Variants in NEK7 observed in about 807,000 individuals in gnomAD.
NEK7 encodes serine/threonine-protein kinase Nek7.
A neutral mutation model predicts 44.6 loss-of-function variants in NEK7; 18 were observed. The ratio of observed to expected loss-of-function variants is 0.40; its 90% CI spans 0.28 to 0.60. NEK7 has a LOEUF of 0.60. Ranked by LOEUF, NEK7 falls within the 20% of genes least tolerant of loss-of-function variation. The pLI is 0.38. For synonymous variants in NEK7, 130 were observed against 121.1 expected (o/e 1.07, Z -0.48); for missense variants, 256 against 366.5 (o/e 0.70, Z 2.46).
At chr1:198,228,960 A>T (rs941855623) in intron 1 of NEK7, among the ~76,000 whole-genome samples, 1 of 152,164 alleles carries the variant, frequency 6.6e-6, no homozygotes, top group African/African-American at 2.4e-5. Flanking sequence ...TTCAAAGGGA[A>T]TGCTTCCAGT....
chr1:198,196,826 G>A (rs774121721), intron 1 of NEK7, among the ~76,000 whole-genome samples: 13 of 152,168 alleles, frequency 8.5e-5, no homozygotes, highest in Admixed American at 1.3e-4. Flanking sequence ...GCTTTTTAGC[G>A]GCTGAGGTAG....
chr1:198,217,293 C>T (rs1224946762), intron 1 of NEK7, among the ~76,000 whole-genome samples: 1 of 151,964 alleles, frequency 6.6e-6, no homozygotes, highest in African/African-American at 2.4e-5. Context: ...TCAACACGTG[C>T]AAGTCAATAA....
At chr1:198,311,338 C>T (rs1169132471) in intron 9 of NEK7, among the ~76,000 whole-genome samples, 7 of 152,098 alleles carry the variant, frequency 4.6e-5, no homozygotes, top group Non-Finnish European at 8.8e-5. Context: ...AGATTTTGGC[C>T]TGAGACATTG....
chr1:198,174,067 C>A (rs914442568), intron 1 of NEK7, among the ~76,000 whole-genome samples: 1 of 152,172 alleles, frequency 6.6e-6, no homozygotes, highest in Non-Finnish European at 1.5e-5. Context: ...AATAATTTGG[C>A]AGAGTTTGGT....
intron 7 of NEK7, among the ~76,000 whole-genome samples, chr1:198,291,662 A>T (rs2103005272): frequency 6.6e-6 from 1 of 151,328 alleles, no homozygotes; most frequent in African/African-American, 2.4e-5. Context: ...ACGTTTCTTC[A>T]TCACTTTCAT....
chr1:198,262,430 C>A, intron 3 of NEK7, 145 bp from the exon 4 acceptor site: 1 of 505,810 alleles, frequency 2.0e-6, no homozygotes, highest in Non-Finnish European at 3.5e-6. Context: ...AAGATACCTA[C>A]AGAACTCCTT....
intron 2 of NEK7, among the ~76,000 whole-genome samples, chr1:198,248,534 T>C (rs1258192569): frequency 6.6e-6 from 1 of 152,200 alleles, no homozygotes; most frequent in Non-Finnish European, 1.5e-5. Context: ...GCATATCTCA[T>C]TCATCTCTAT....
At position 198,319,586 on chromosome 1, in the gene NEK7, C is replaced by T; in HGVS notation, c.*64C>T. 6.8e-7 allele frequency: 1 copy of T among 1,472,470 alleles called. No homozygotes were observed. Among genetic ancestry groups the T allele is most frequent in the South Asian group, 1.4e-5 (1 of 69,674 alleles). 91.2% of individuals were successfully genotyped at this position (1,472,470 alleles called of 1,614,324 possible). A position where few individuals can be genotyped will look rare whatever the true frequency, so the allele number is the denominator to read the frequency against. On this transcript the variant is annotated 3_prime_UTR_variant, in exon 10 of 10. Transcript: ENST00000367385. Reference sequence around the variant, plus strand: ...AAGTATTTTGTGCAAGTCATACCTCCCCATTTATGTCTGGTGTTAAGATTA... The same window carrying T: ...AAGTATTTTGTGCAAGTCATACCTCTCCATTTATGTCTGGTGTTAAGATTA...
chr1:198,242,383 CTCTTTTTCTT>C (rs1308323102), intron 2 of NEK7, among the ~76,000 whole-genome samples: 1 of 147,842 alleles, frequency 6.8e-6, no homozygotes, highest in Non-Finnish European at 1.5e-5. Context: ...CAGTGCTTAC[CTCTTTTTCTT>C]TCTTTTTCTT....
At chr1:198,301,630 T>C (rs984366221) in intron 9 of NEK7, among the ~76,000 whole-genome samples, 3 of 152,208 alleles carry the variant, frequency 2.0e-5, no homozygotes, top group Non-Finnish European at 4.4e-5. Flanking sequence ...GTTCTGTAAG[T>C]TGAGTACAGG....
At position 198,293,052 on chromosome 1, in the gene NEK7, G is replaced by T; in HGVS notation, c.684+13G>T. 7.5e-7 allele frequency: 1 copy of T among 1,331,464 alleles called. No homozygotes were observed. Among genetic ancestry groups the T allele is most frequent in the Non-Finnish European group, 1.1e-6 (1 of 924,904 alleles). 82.5% of individuals were successfully genotyped at this position (1,331,464 alleles called of 1,614,324 possible). A position where few individuals can be genotyped will look rare whatever the true frequency, so the allele number is the denominator to read the frequency against. On this transcript the variant is annotated intron_variant, in intron 8 of 9. Transcript: ENST00000367385. ...TCTACTATATGAGGTAGGTAATGTT[G>T]ATAAATTCCAAATATTGATGCAGTT... is the stretch of plus-strand genomic sequence containing the variant.
chr1:198,205,646 G>A (rs1339175804), intron 1 of NEK7, among the ~76,000 whole-genome samples: 1 of 151,894 alleles, frequency 6.6e-6, no homozygotes. Flanking sequence ...ATTTACTCAT[G>A]ACATACACTG....
intron 9 of NEK7, 127 bp downstream of exon 9, chr1:198,297,367 A>G: frequency 1.7e-6 from 2 of 1,170,780 alleles, no homozygotes; most frequent in South Asian, 1.4e-5. Context: ...GCACTTTTTA[A>G]TTCTGTTTTC....
At chr1:198,168,194 T>C (rs1485879736) in intron 1 of NEK7, among the ~76,000 whole-genome samples, 3 of 152,196 alleles carry the variant, frequency 2.0e-5, no homozygotes, top group African/African-American at 7.2e-5. Flanking sequence ...GTTCTGACAC[T>C]TAGTGTGAGC....
intron 1 of NEK7, among the ~76,000 whole-genome samples, chr1:198,205,739 T>C (rs1665577211): frequency 6.6e-6 from 1 of 152,186 alleles, no homozygotes. Flanking sequence ...GCCTATTTAA[T>C]AATGGTACGT....
intron 9 of NEK7, among the ~76,000 whole-genome samples, chr1:198,311,985 A>G (rs12040387): frequency 0.26 from 39,184 of 151,878 alleles, 5,657 homozygotes; most frequent in East Asian, 0.62. Flanking sequence ...CTCTTTTTCT[A>G]TTGATTGGAA....
chr1:198,227,582 T>G (rs966572315), intron 1 of NEK7, among the ~76,000 whole-genome samples: 3 of 152,156 alleles, frequency 2.0e-5, no homozygotes. Context: ...GAGATGGTAT[T>G]TCATTGTGGT....
intron 1 of NEK7, among the ~76,000 whole-genome samples, chr1:198,167,361 G>T (rs1376469888): frequency 2.0e-5 from 3 of 152,032 alleles, no homozygotes; most frequent in Non-Finnish European, 2.9e-5. Context: ...GATGTTTTTG[G>T]TCTTAACAGC....
In NEK7 at chr1:198,180,153, G is replaced by A. The variant is rs190869967; in HGVS notation, c.-29+22877G>A. Among the ~76,000 whole-genome samples the A allele has an allele frequency of 1.3e-4, 20 of 151,526 alleles. No individual in the cohort carries two copies. In the East Asian group the frequency reaches 3.5e-3, roughly 26 times the overall value. Reference sequence around the variant, plus strand: ...AAAATTTAGAAACCTTAAAAATCACGGCCAGAGAGAATCATGATTTCTACA... The same window carrying A: ...AAAATTTAGAAACCTTAAAAATCACAGCCAGAGAGAATCATGATTTCTACA... On this transcript the variant is annotated intron_variant, in intron 1 of 9. Transcript: ENST00000367385.
Sources: gnomAD v4.1 joint callset for allele counts (sites outside exome capture counted in the v4.1 genomes callset) on GRCh38, gnomAD v4.1.1 for gene constraint, MANE v1.5 for transcripts, NCBI Gene and HGNC (gene_info 2026-07-23, HGNC 2026-07-21) for gene names.